ULK4: variants seen among roughly 807,000 people sequenced by gnomAD.
ULK4 encodes the protein unc-51 like kinase 4.
ULK4 carries 133 observed loss-of-function variants against 160.6 expected under a neutral mutation model. That is an observed-to-expected ratio of 0.83 (90% confidence interval 0.72 to 0.96). ULK4 has a LOEUF of 0.96. Ranked by LOEUF, ULK4 falls within the 40% of genes least tolerant of loss-of-function variation. The pLI is 0.00. For missense variants in ULK4, 1,580 were observed against 1,499.5 expected (o/e 1.05, Z -0.89); for synonymous variants, 534 against 539.8 (o/e 0.99, Z 0.15).
intron 22 of ULK4, among the ~76,000 whole-genome samples, chr3:41,742,091 A>G (rs1267452489): frequency 6.6e-6 from 1 of 151,942 alleles, no homozygotes; most frequent in African/African-American, 2.4e-5. Context: ...AAAATCACAT[A>G]CAACCCTTCC....
chr3:41,343,748 C>A (rs2080739104), intron 35 of ULK4, among the ~76,000 whole-genome samples: 1 of 152,142 alleles, frequency 6.6e-6, no homozygotes, highest in Non-Finnish European at 1.5e-5. Flanking sequence ...CTCCCATTCA[C>A]AATTGCTACA....
chr3:41,893,560 C>A (rs1698045914), intron 16 of ULK4, among the ~76,000 whole-genome samples: 2 of 152,020 alleles, frequency 1.3e-5, no homozygotes, highest in South Asian at 4.1e-4. Flanking sequence ...TTCTACAAAT[C>A]TTCCCTAAAG....
rs575114202 is a variant in ULK4 at position 41,450,541 on chromosome 3, T to C, written c.3492+4956A>G. The stretch of plus-strand genomic sequence containing the variant: ...AGGTTTACTTTCATAGGACCATATC[T>C]GGAAAAAACCTCAAAAGCTAACAAG... On this transcript the variant is annotated intron_variant, in intron 34 of 36. Coordinates refer to ENST00000301831, the MANE Select transcript of ULK4 (RefSeq NM_017886.4). Among the ~76,000 whole-genome samples, 52 of 152,354 alleles carry C rather than the reference T, an allele frequency of 3.4e-4. No homozygotes were observed. The East Asian group carries it at 9.1e-3, about 27-fold the overall frequency.
chr3:41,386,769 G>T (rs533562994), intron 35 of ULK4, among the ~76,000 whole-genome samples: 1 of 152,148 alleles, frequency 6.6e-6, no homozygotes, highest in South Asian at 2.1e-4. Flanking sequence ...GGAGGAGACC[G>T]CAAGTAAGGA....
chr3:41,487,452 C>T (rs1363900007), intron 32 of ULK4, among the ~76,000 whole-genome samples: 1 of 151,932 alleles, frequency 6.6e-6, no homozygotes, highest in Non-Finnish European at 1.5e-5. Flanking sequence ...AAAATATATT[C>T]CAATACTACA....
rs1227222873 is a variant in ULK4 at position 41,555,961 on chromosome 3, G to C, written c.3226+10064C>G. Among the ~76,000 whole-genome samples the C allele has an allele frequency of 3.3e-5, 5 of 152,166 alleles. No homozygotes were observed. The East Asian group carries it at 9.6e-4, about 29-fold the overall frequency. On this transcript the variant is annotated intron_variant, in intron 32 of 36. Coordinates refer to ENST00000301831, the MANE Select transcript of ULK4 (RefSeq NM_017886.4). ...AAATATGGTGTATTCTCACTTATAA[G>C]TAGGAGCTAAATGATGAGAATACTT...
chr3:41,628,945 G>A (rs1408914018), intron 30 of ULK4, among the ~76,000 whole-genome samples: 6 of 152,214 alleles, frequency 3.9e-5, no homozygotes, highest in Admixed American at 6.5e-5. Flanking sequence ...TCTTCTTCCT[G>A]TGAGTCTGGG....
rs2079872657 is a variant in ULK4 at position 41,304,819 on chromosome 3, T to C, written c.3679-55245A>G. On this transcript the variant is annotated intron_variant, in intron 35 of 36. Coordinates refer to ENST00000301831, the MANE Select transcript of ULK4 (RefSeq NM_017886.4). ...GTGAACTCATCAACTCTTGCTTCTATTGTCACTAGCTCCTGTGTCAAAGTG... is the reference window on the plus strand; with the variant it reads ...GTGAACTCATCAACTCTTGCTTCTACTGTCACTAGCTCCTGTGTCAAAGTG... Among the ~76,000 whole-genome samples, 3 of 152,168 alleles carry C rather than the reference T, an allele frequency of 2.0e-5. No homozygotes were observed. The South Asian group carries it at 6.2e-4, about 32-fold the overall frequency.
chr3:41,835,658 G>T (rs1045554089), intron 18 of ULK4, among the ~76,000 whole-genome samples: 4 of 152,196 alleles, frequency 2.6e-5, no homozygotes, highest in African/African-American at 9.6e-5. Flanking sequence ...GAGGCACTGG[G>T]AGGAAGGAAG....
At chr3:41,248,137 A>C (rs1451552375) in intron 36 of ULK4, among the ~76,000 whole-genome samples, 1 of 152,214 alleles carries the variant, frequency 6.6e-6, no homozygotes, top group Non-Finnish European at 1.5e-5. Flanking sequence ...TACTATGAGG[A>C]GACCCATAGC....
At chr3:41,737,821 G>T (rs1465805260) in intron 22 of ULK4, among the ~76,000 whole-genome samples, 2 of 151,886 alleles carry the variant, frequency 1.3e-5, no homozygotes, top group African/African-American at 2.4e-5. Flanking sequence ...ATAAGTTTGG[G>T]CCCAAATTCA....
intron 31 of ULK4, among the ~76,000 whole-genome samples, chr3:41,589,325 A>G (rs1157707842): frequency 6.6e-6 from 1 of 151,624 alleles, no homozygotes; most frequent in East Asian, 2.0e-4. Flanking sequence ...CAGAGAGAAG[A>G]GAGTTACACA....
rs1012789864 is a variant in ULK4, at chr3:41,386,244, A to G, written c.3678+11835T>C. Among the ~76,000 whole-genome samples the G allele has an allele frequency of 4.6e-5, 7 of 152,224 alleles. No homozygotes were observed. The East Asian group carries it at 1.4e-3, about 29-fold the overall frequency. ...TACATATTCCTTTTTTTACAACTAG[A>G]GTCTAATTTTGCATTTCATTTTGTG... On this transcript the variant is annotated intron_variant, in intron 35 of 36. Transcript: ENST00000301831.
intron 32 of ULK4, among the ~76,000 whole-genome samples, chr3:41,531,313 C>T (rs1013039764): frequency 1.3e-5 from 2 of 150,324 alleles, no homozygotes; most frequent in East Asian, 4.1e-4. Context: ...TGGTGGTGGG[C>T]GCCAGTAGTC....
chr3:41,622,374 G>C (rs1054516636), intron 30 of ULK4, among the ~76,000 whole-genome samples: 3 of 152,140 alleles, frequency 2.0e-5, no homozygotes, highest in African/African-American at 7.2e-5. Flanking sequence ...TGATAGACTG[G>C]ATAAAGAAAA....
intron 30 of ULK4, among the ~76,000 whole-genome samples, chr3:41,637,556 C>T (rs9873313): frequency 0.23 from 35,216 of 152,064 alleles, 4,267 homozygotes; most frequent in Admixed American, 0.27. Context: ...GATAAATATT[C>T]GGTAGTGGCA....
chr3:41,419,045 G>T (rs2082597176), intron 34 of ULK4, among the ~76,000 whole-genome samples: 1 of 152,152 alleles, frequency 6.6e-6, no homozygotes, highest in South Asian at 2.1e-4. Flanking sequence ...AAGTCCTGTG[G>T]CATTACTTTG....
intron 35 of ULK4, among the ~76,000 whole-genome samples, chr3:41,391,363 T>G (rs973255911): frequency 2.2e-4 from 34 of 152,118 alleles, no homozygotes; most frequent in African/African-American, 8.0e-4. Flanking sequence ...GGGTACACAG[T>G]GTTTCTCTTA....
chr3:41,821,342 C>A (rs923199782), intron 18 of ULK4, among the ~76,000 whole-genome samples: 3 of 138,482 alleles, frequency 2.2e-5, no homozygotes, highest in African/African-American at 9.3e-5. Context: ...ACATCCATCT[C>A]CAGACCTACT....
Sources: allele counts gnomAD v4.1 joint callset (sites outside exome capture counted in the v4.1 genomes callset), GRCh38; gene constraint gnomAD v4.1.1; transcripts MANE v1.5; gene names NCBI Gene and HGNC (gene_info 2026-07-23, HGNC 2026-07-21).